IL12RB1: variants seen among roughly 807,000 people sequenced by gnomAD.
IL12RB1 encodes the protein interleukin 12 receptor subunit beta 1, also known as interleukin-12 receptor subunit beta-1.
Under a neutral mutation model 94.4 loss-of-function variants are expected in IL12RB1, and 64 were observed. The ratio of observed to expected loss-of-function variants is 0.68; its 90% CI spans 0.55 to 0.83. The LOEUF (loss-of-function observed/expected upper bound fraction) is 0.83, where lower values mean the gene tolerates loss of function less well. Ranked by LOEUF, IL12RB1 falls within the 40% of genes least tolerant of loss-of-function variation. The pLI, the probability that IL12RB1 is intolerant of heterozygous loss-of-function variation, is 0.00. For missense variants in IL12RB1, 814 were observed against 855.6 expected, an observed-to-expected ratio of 0.95 and a Z score of 0.61; for synonymous variants, 362 against 355.5, an observed-to-expected ratio of 1.02 and a Z score of -0.21.
chr19:18,077,424 C>G (rs1404584074), intron 5 of IL12RB1, 92 bp downstream of exon 5: 3 of 976,432 alleles, frequency 3.1e-6, no homozygotes, highest in Non-Finnish European at 3.2e-6. Flanking sequence ...TGGTTGGGAG[C>G]GGGGACAGAT....
At chr19:18,092,222 G>A (rs1401442024) in intron 1 of IL12RB1, among the ~76,000 whole-genome samples, 1 of 147,792 alleles carries the variant, frequency 6.8e-6, no homozygotes, top group African/African-American at 2.5e-5. Flanking sequence ...TAGAAATGTG[G>A]TCTCATGCCT....
chr19:18,079,747 C>T (rs1457236190), intron 4 of IL12RB1, among the ~76,000 whole-genome samples: 2 of 151,664 alleles, frequency 1.3e-5, no homozygotes, highest in Non-Finnish European at 2.9e-5. Context: ...AATACAAAAA[C>T]TTAGCCGGGC....
upstream of IL12RB1, among the ~76,000 whole-genome samples, chr19:18,088,861 C>T (rs2036504246): frequency 6.6e-6 from 1 of 151,936 alleles, no homozygotes. Context: ...GAAACCCTGT[C>T]TCTACTAAAA....
intron 10 of IL12RB1, among the ~76,000 whole-genome samples, chr19:18,069,189 A>G (rs751866989): frequency 1.3e-5 from 2 of 152,186 alleles, no homozygotes; most frequent in African/African-American, 2.4e-5. Context: ...CCTGAGCCTC[A>G]CGGCCCCCCT....
At chr19:18,068,282 T>C in intron 11 of IL12RB1, 107 bp downstream of exon 11, 1 of 896,452 alleles carries the variant, frequency 1.1e-6, no homozygotes, top group Non-Finnish European at 1.6e-6. Context: ...CACCTTGGCC[T>C]CCCAAAGTGC....
chr19:18,062,155 TG>T, intron 14 of IL12RB1, 25 bp downstream of exon 14: 1 of 1,457,174 alleles, frequency 6.9e-7, no homozygotes, highest in Non-Finnish European at 9.6e-7. Context: ...ACCATCGCTA[TG>T]GTAACGGTAA....
At chr19:18,084,207 A>ACATC (rs1288368307) in intron 1 of IL12RB1, among the ~76,000 whole-genome samples, 7 of 128,450 alleles carry the variant, frequency 5.4e-5, no homozygotes, top group Admixed American at 5.4e-4. Flanking sequence ...ACGTATTCAT[A>ACATC]CATCCATCCA....
In IL12RB1 at chr19:18,076,218, T is replaced by C. The variant is rs567096099; in HGVS notation, c.580+79A>G. The C allele has an allele frequency of 2.4e-5, 19 of 804,224 alleles. No homozygotes were observed. The East Asian group carries it at 3.6e-4, about 15-fold the overall frequency. The allele number at this position is 804,224 out of a possible 1,614,324, so 49.8% of individuals were successfully genotyped here. ...AAGAGGCATACAAAAAAATTCAGCA[T>C]TGGACCTGGCATACAGTAGGTGCTC... is the stretch of plus-strand genomic sequence containing the variant. On this transcript the variant is annotated intron_variant, in intron 6 of 16. Transcript: ENST00000593993.
At chr19:18,064,134 C>CTTTTTTTTTTT (rs202141133) in intron 12 of IL12RB1, 124 bp from the exon 13 acceptor site, 2 of 379,416 alleles carry the variant, frequency 5.3e-6, no homozygotes, top group Non-Finnish European at 9.7e-6. Flanking sequence ...TCTACTCTTT[C>CTTTTTTTTTTT]TTTCTTTTTT....
intron 1 of IL12RB1, among the ~76,000 whole-genome samples, chr19:18,096,152 A>T (rs1177598869): frequency 6.6e-6 from 1 of 151,972 alleles, no homozygotes; most frequent in African/African-American, 2.4e-5. Context: ...TGAGGCAGGA[A>T]GATCGCTTGA....
At chr19:18,077,370 AAAAAG>A in intron 5 of IL12RB1, 141 bp downstream of exon 5, 5 of 688,690 alleles carry the variant, frequency 7.3e-6, no homozygotes, top group Non-Finnish European at 1.0e-5. Flanking sequence ...TCAGAAAAAA[AAAAAG>A]AAAAAGAAAA....
At chr19:18,086,621 C>T in intron 1 of IL12RB1, 139 bp downstream of exon 1, 4 of 743,736 alleles carry the variant, frequency 5.4e-6, no homozygotes, top group Non-Finnish European at 8.7e-6. Flanking sequence ...GCCATGACTG[C>T]CCATCTCCCA....
chr19:18,067,728 G>T (rs180794422), intron 11 of IL12RB1, among the ~76,000 whole-genome samples: 1 of 152,140 alleles, frequency 6.6e-6, no homozygotes, highest in Admixed American at 6.6e-5. Context: ...GCTTGAACCC[G>T]GGAGGCAGAG....
At chr19:18,069,860 G>A in intron 9 of IL12RB1, 147 bp from the exon 10 acceptor site, 1 of 654,200 alleles carries the variant, frequency 1.5e-6, no homozygotes, top group Non-Finnish European at 2.7e-6. Context: ...CTGTTTCCCT[G>A]CACTGGAGGC....
rs67190458 is a variant in IL12RB1, at chr19:18,093,361, CGTGT to C, written c.-229-2596_-229-2593del. 6.1e-3 allele frequency among the ~76,000 whole-genome samples: 890 copies of C among 146,856 alleles called. 5 individuals are homozygous for C. The highest frequency in any genetic ancestry group is 0.021 in the African/African-American group (830 of 39,496). On this transcript the variant is annotated intron_variant, in intron 1 of 4. Transcript: ENST00000594176. ...ATATATATATATACTTGTGTGTGTG[CGTGT>C]GTGTGTGTGTGTGTGTGTTAACCAC... is the stretch of plus-strand genomic sequence containing the variant.
chr19:18,092,157 G>A (rs972898503), intron 1 of IL12RB1, among the ~76,000 whole-genome samples: 13 of 149,044 alleles, frequency 8.7e-5, no homozygotes, highest in South Asian at 8.5e-4. Flanking sequence ...GATTACCGGC[G>A]TAAGCCACCG....
chr19:18,077,531 G>C lies in IL12RB1; in HGVS notation c.534C>G (p.Ser178Arg), dbSNP rs757331863. 1 of 1,611,338 alleles carries C rather than the reference G, an allele frequency of 6.2e-7. No individual in the cohort carries two copies. Among genetic ancestry groups the C allele is most frequent in the Non-Finnish European group, 8.5e-7 (1 of 1,178,486 alleles). The stretch of plus-strand genomic sequence containing the variant: ...ACAAACTCACCAACTTCCATGGGCT[G>C]CTGGGTGTCCGGTGCCGGAACTGCA... The part of the protein sequence containing the change: ...AEVQFRHRTP[S>R]SPWKLGDCGP... Residue 178 changes from serine to arginine, a missense_variant, in exon 5 of 17, where the codon AGC becomes AGG. Ser to Arg is a moderately radical substitution (Grantham distance 110). Transcript: ENST00000593993.
At chr19:18,083,998 TGC>T (rs1322590356) in intron 1 of IL12RB1, among the ~76,000 whole-genome samples, 66 of 147,476 alleles carry the variant, frequency 4.5e-4, no homozygotes, top group African/African-American at 1.5e-3. Flanking sequence ...CATCCATCCA[TGC>T]ACCCATCTAC....
Position 18,069,688 on chromosome 19 carries a change from G to A in IL12RB1, c.1047C>T (p.Val349=), listed in dbSNP as rs1383114026. 6 of 1,612,306 alleles carry A rather than the reference G, an allele frequency of 3.7e-6. No homozygotes were observed. Among genetic ancestry groups the A allele is most frequent in the African/African-American group, 2.7e-5 (2 of 74,890 alleles). ...AATACATGGTGGTCCCGTTGGTTCC[G>A]ACGCTGATATTCAGAGCCACTGGTT... The part of the protein sequence containing the change: ...HTEPVALNIS[V]GTNGTTMYWP... Residue 349 remains valine, a synonymous_variant, in exon 10 of 17, where the codon GTC becomes GTT. Coordinates refer to ENST00000593993, the MANE Select transcript of IL12RB1 (RefSeq NM_005535.3).
Sources: allele counts gnomAD v4.1 joint callset (sites outside exome capture counted in the v4.1 genomes callset), GRCh38; gene constraint gnomAD v4.1.1; transcripts MANE v1.5; gene names NCBI Gene and HGNC (gene_info 2026-07-23, HGNC 2026-07-21).